Variants in UBAC2 observed in about 807,000 individuals in gnomAD.
UBAC2 encodes the protein UBA domain containing 2.
Under a neutral mutation model 44.0 loss-of-function variants are expected in UBAC2, and 26 were observed. That is an observed-to-expected ratio of 0.59 (90% CI 0.43 to 0.82). The LOEUF (loss-of-function observed/expected upper bound fraction) is 0.82. Among genes scored for constraint, UBAC2 ranks in the 40% least tolerant of loss-of-function variants. UBAC2 has a pLI of 0.00. For missense variants in UBAC2, 329 were observed against 419.4 expected (o/e 0.78, Z 1.88); for synonymous variants, 155 against 154.3 (o/e 1.00, Z -0.04).
chr13:99,209,747 G>A (rs1031354942), intron 1 of UBAC2, among the ~76,000 whole-genome samples: 1 of 152,236 alleles, frequency 6.6e-6, no homozygotes, highest in Non-Finnish European at 1.5e-5. Context: ...GCCAAGGCGG[G>A]TGGATCATCT....
At chr13:99,207,772 C>T (rs2042889425) in intron 1 of UBAC2, among the ~76,000 whole-genome samples, 1 of 152,094 alleles carries the variant, frequency 6.6e-6, no homozygotes, top group Non-Finnish European at 1.5e-5. Flanking sequence ...TTGAGGCCTG[C>T]ACTCTCCACC....
chr13:99,342,256 C>T (rs1374971274), intron 7 of UBAC2, among the ~76,000 whole-genome samples: 4 of 152,186 alleles, frequency 2.6e-5, no homozygotes, highest in Non-Finnish European at 5.9e-5. Context: ...AAAATGGGGA[C>T]CAGTCCTGTT....
At chr13:99,306,764 G>A (rs1398082592) in intron 4 of UBAC2, among the ~76,000 whole-genome samples, 1 of 152,030 alleles carries the variant, frequency 6.6e-6, no homozygotes, top group Non-Finnish European at 1.5e-5. Flanking sequence ...TATCTAATTA[G>A]TAGTATTTAG....
intron 6 of UBAC2, among the ~76,000 whole-genome samples, chr13:99,332,522 C>T (rs987873002): frequency 4.3e-4 from 66 of 152,168 alleles, no homozygotes; most frequent in African/African-American, 1.4e-3. Flanking sequence ...TGGGGGGCTG[C>T]TCCCTCTGAC....
At chr13:99,222,566 T>C (rs999249814) in intron 1 of UBAC2, among the ~76,000 whole-genome samples, 1 of 152,230 alleles carries the variant, frequency 6.6e-6, no homozygotes, top group Admixed American at 6.5e-5. Flanking sequence ...GTGGTCAGTT[T>C]AGCCTTATGG....
chr13:99,254,669 G>C (rs2043508960), intron 4 of UBAC2: 2 of 481,990 alleles, frequency 4.1e-6, no homozygotes, highest in Non-Finnish European at 7.2e-6. Context: ...AATTATCTGT[G>C]TGAACAAGGC....
chr13:99,369,219 A>G (rs2045373586), intron 8 of UBAC2, among the ~76,000 whole-genome samples: 1 of 152,242 alleles, frequency 6.6e-6, no homozygotes, highest in Non-Finnish European at 1.5e-5. Context: ...TGATCAATAT[A>G]TGAAGACTAG....
At chr13:99,289,815 G>T (rs1046294404) in intron 4 of UBAC2, among the ~76,000 whole-genome samples, 15 of 152,258 alleles carry the variant, frequency 9.9e-5, no homozygotes, top group Non-Finnish European at 2.1e-4. Flanking sequence ...GCTGACAAAG[G>T]TGCCACCATC....
chr13:99,383,152 A>ATG (rs137873801), intron 8 of UBAC2, among the ~76,000 whole-genome samples: 14 of 151,896 alleles, frequency 9.2e-5, no homozygotes, highest in African/African-American at 1.4e-4. Context: ...AGTAGTGTGC[A>ATG]TGTGTGTGTG....
chr13:99,237,253 C>CATAT lies in UBAC2; in HGVS notation c.32-1174_32-1173insATAT, dbSNP rs1566460789. On this transcript the variant is annotated intron_variant, in intron 1 of 8. Transcript: ENST00000403766. ...GATGATAGATAAAGAAAATTTTATG[C>CATAT]GTATATATATATATATATACACACA... 1.5e-3 allele frequency among the ~76,000 whole-genome samples: 107 copies of CATAT among 71,522 alleles called. 1 individual carries two copies. The highest frequency in any genetic ancestry group is 4.4e-3 in the African/African-American group (100 of 22,546). The allele number at this position is 71,522 out of a possible 152,430, so 46.9% of individuals were successfully genotyped here. A position where few individuals can be genotyped will look rare whatever the true frequency, so the allele number is the denominator to read the frequency against.
At chr13:99,369,907 G>T (rs914935217) in intron 8 of UBAC2, among the ~76,000 whole-genome samples, 7 of 152,158 alleles carry the variant, frequency 4.6e-5, no homozygotes, top group African/African-American at 1.4e-4. Context: ...CTTAATTTGA[G>T]GGACATTCTG....
chr13:99,303,657 GCT>G (rs1242966039), intron 4 of UBAC2, among the ~76,000 whole-genome samples: 1 of 152,240 alleles, frequency 6.6e-6, no homozygotes, highest in East Asian at 1.9e-4. Context: ...TTATAATGAA[GCT>G]CTGTGTCTAT....
At chr13:99,288,329 C>T (rs2044046810) in intron 4 of UBAC2, among the ~76,000 whole-genome samples, 1 of 152,214 alleles carries the variant, frequency 6.6e-6, no homozygotes, top group African/African-American at 2.4e-5. Context: ...AACGTGGCCC[C>T]TGCTCTGGAG....
intron 8 of UBAC2, among the ~76,000 whole-genome samples, chr13:99,379,915 A>G (rs1356449840): frequency 2.0e-5 from 3 of 152,238 alleles, no homozygotes; most frequent in African/African-American, 7.2e-5. Flanking sequence ...GCAGAAAGTA[A>G]GCAAAAAAGC....
chr13:99,278,117 A>C (rs1287624029), intron 4 of UBAC2, among the ~76,000 whole-genome samples: 1 of 152,224 alleles, frequency 6.6e-6, no homozygotes, highest in Non-Finnish European at 1.5e-5. Flanking sequence ...TCGGAAGCTA[A>C]GAAATAGCTG....
At chr13:99,300,514 T>C (rs189090288) in intron 4 of UBAC2, among the ~76,000 whole-genome samples, 2 of 152,346 alleles carry the variant, frequency 1.3e-5, no homozygotes, top group African/African-American at 2.4e-5. Context: ...CCCATTCTTA[T>C]ATCAGCCAGT....
chr13:99,354,809 T>C (rs2045152141), intron 7 of UBAC2, among the ~76,000 whole-genome samples: 1 of 152,044 alleles, frequency 6.6e-6, no homozygotes, highest in Admixed American at 6.5e-5. Flanking sequence ...GCAGATTGGA[T>C]TGGGGAAATC....
At chr13:99,240,752 A>T (rs1301255260) in intron 2 of UBAC2, among the ~76,000 whole-genome samples, 1 of 152,176 alleles carries the variant, frequency 6.6e-6, no homozygotes, top group East Asian at 1.9e-4. Context: ...AGAGGCAGCC[A>T]TCCCAGTTCA....
intron 4 of UBAC2, chr13:99,255,101 C>T: frequency 6.2e-7 from 1 of 1,614,082 alleles, no homozygotes. Context: ...TCCCCCGTTC[C>T]CAGCATCAGG....
Sources: allele counts gnomAD v4.1 joint callset (sites outside exome capture counted in the v4.1 genomes callset), GRCh38; gene constraint gnomAD v4.1.1; transcripts MANE v1.5; gene names NCBI Gene and HGNC (gene_info 2026-07-23, HGNC 2026-07-21).